The following CCDC150 variants were observed in gnomAD, a reference collection of about 807,000 sequenced individuals.
CCDC150 encodes the protein coiled-coil domain containing 150.
Under a neutral mutation model 156.5 loss-of-function variants are expected in CCDC150, and 151 were observed. The observed-to-expected ratio is 0.97, with a 90% CI of 0.85 to 1.10. The LOEUF is 1.10. Among genes scored for constraint, CCDC150 ranks in the 50% least tolerant of loss-of-function variants. The pLI is 0.00. For missense variants in CCDC150, 1,312 were observed against 1,268.1 expected, an observed-to-expected ratio of 1.03 and a Z score of -0.53; for synonymous variants, 452 against 429.4, an observed-to-expected ratio of 1.05 and a Z score of -0.65.
intron 8 of CCDC150, among the ~76,000 whole-genome samples, chr2:196,671,067 G>A (rs1036019085): frequency 6.6e-6 from 1 of 152,068 alleles, no homozygotes; most frequent in African/African-American, 2.4e-5. Context: ...TTATCACCCA[G>A]AGTCCATAGT....
chr2:196,694,117 C>T (rs1032286222), intron 13 of CCDC150, among the ~76,000 whole-genome samples: 3 of 141,658 alleles, frequency 2.1e-5, no homozygotes, highest in African/African-American at 5.3e-5. Flanking sequence ...AGTGCAATGG[C>T]GTGATCTCAG....
chr2:196,727,255 A>C (rs1458276813), intron 22 of CCDC150: 1 of 152,084 alleles, frequency 6.6e-6, no homozygotes, highest in African/African-American at 2.4e-5. Context: ...AAAATACAAA[A>C]ATTAGCTGGG....
At chr2:196,707,620 C>A (rs1696755979) in intron 15 of CCDC150, among the ~76,000 whole-genome samples, 1 of 152,178 alleles carries the variant, frequency 6.6e-6, no homozygotes. Context: ...GATTTTAGAT[C>A]TTTCCTGCTT....
In CCDC150 at chr2:196,644,110, C is replaced by G. The variant is rs936571783; in HGVS notation, c.13-2231C>G. On this transcript the variant is annotated intron_variant, in intron 1 of 27. Transcript: ENST00000389175. ...GTGCCATCATTACTCTTTTTTTAAT[C>G]TAGAAAAACAAAAGTCTGCCTAGGA... 8.5e-5 allele frequency among the ~76,000 whole-genome samples: 13 copies of G among 152,076 alleles called. No individual in the cohort carries two copies. In the South Asian group the frequency reaches 1.9e-3, roughly 22 times the overall value.
Position 196,726,000 on chromosome 2 carries a change from G to C in CCDC150, c.2457G>C (p.Val819=). 6.2e-7 allele frequency: 1 copy of C among 1,602,870 alleles called. No homozygotes were observed. The highest frequency in any genetic ancestry group is 8.5e-7 in the Non-Finnish European group (1 of 1,174,360). Residue 819 remains valine (V), a synonymous_variant, in exon 22 of 28, where the codon GTG becomes GTC. Transcript: ENST00000389175. The part of the protein sequence containing the change: ...FKDRMTEESK[V]EAELHAERIE... Reference sequence around the variant, plus strand: ...ACCGGATGACTGAAGAGTCCAAAGTGGAAGCAGAATTGCATGCTGAACGCA... The same window carrying C: ...ACCGGATGACTGAAGAGTCCAAAGTCGAAGCAGAATTGCATGCTGAACGCA...
At chr2:196,710,588 A>C (rs537142956) in intron 15 of CCDC150, among the ~76,000 whole-genome samples, 1 of 152,270 alleles carries the variant, frequency 6.6e-6, no homozygotes, top group East Asian at 1.9e-4. Context: ...TGTGTCGGGC[A>C]CGCTGGGAGC....
At chr2:196,703,318 C>T (rs943705215) in intron 15 of CCDC150, among the ~76,000 whole-genome samples, 3 of 152,056 alleles carry the variant, frequency 2.0e-5, no homozygotes, top group African/African-American at 4.8e-5. Flanking sequence ...GCCATGCTTG[C>T]GGAACAATAC....
intron 7 of CCDC150, among the ~76,000 whole-genome samples, chr2:196,669,621 T>C (rs1694073213): frequency 1.3e-5 from 2 of 152,210 alleles, no homozygotes. Flanking sequence ...CAGCTTAAAA[T>C]CCTTCAGAGA....
intron 2 of CCDC150, 51 bp from the exon 3 acceptor site, chr2:196,656,582 C>T: frequency 3.1e-6 from 4 of 1,276,584 alleles, no homozygotes; most frequent in Non-Finnish European, 4.4e-6. Context: ...TTGGGATTAC[C>T]ATAGTAGAAA....
chr2:196,685,904 G>A (rs757423635), intron 13 of CCDC150, among the ~76,000 whole-genome samples: 55 of 151,996 alleles, frequency 3.6e-4, no homozygotes, highest in Non-Finnish European at 5.9e-4. Flanking sequence ...GTGAGCCACC[G>A]CGCCCAGCCG....
intron 7 of CCDC150, 23 bp from the exon 8 acceptor site, chr2:196,669,810 T>C: frequency 1.3e-6 from 2 of 1,522,974 alleles, no homozygotes; most frequent in Non-Finnish European, 1.8e-6. Flanking sequence ...ATTATCATAG[T>C]TATGTGGAAT....
At chr2:196,715,968 G>T (rs1446996603) in intron 17 of CCDC150, among the ~76,000 whole-genome samples, 1 of 152,124 alleles carries the variant, frequency 6.6e-6, no homozygotes. Context: ...TCTGATTAAG[G>T]CCTTGTTTCC....
intron 20 of CCDC150, 45 bp from the exon 21 acceptor site, chr2:196,721,477 A>G (rs1206537755): frequency 6.8e-7 from 1 of 1,480,180 alleles, no homozygotes; most frequent in Non-Finnish European, 9.1e-7. Context: ...GACTTCTTGC[A>G]TCTGTCCATT....
chr2:196,639,990 C>A (rs1473743790), intron 1 of CCDC150, among the ~76,000 whole-genome samples: 1 of 152,198 alleles, frequency 6.6e-6, no homozygotes, highest in Non-Finnish European at 1.5e-5. Flanking sequence ...GGCCTGGCTC[C>A]AGCTGAGGGA....
intron 17 of CCDC150, chr2:196,713,394 C>A: frequency 6.5e-7 from 1 of 1,529,160 alleles, no homozygotes; most frequent in East Asian, 2.5e-5. Context: ...GAGAGGACTG[C>A]ATCTTCAAAA....
chr2:196,686,212 C>T (rs1695117728), intron 13 of CCDC150: 1 of 299,092 alleles, frequency 3.3e-6, no homozygotes, highest in African/African-American at 2.3e-5. Flanking sequence ...ACTGCAAATT[C>T]AAAACCCAGG....
At chr2:196,732,321 C>A in intron 27 of CCDC150, 125 bp from the exon 28 acceptor site, 2 of 1,143,718 alleles carry the variant, frequency 1.7e-6, no homozygotes, top group East Asian at 2.4e-5. Flanking sequence ...TTCCACCTGT[C>A]ACAAACTTTT....
chr2:196,717,164 C>T (rs1212055211), intron 17 of CCDC150, among the ~76,000 whole-genome samples: 1 of 152,058 alleles, frequency 6.6e-6, no homozygotes, highest in African/African-American at 2.4e-5. Context: ...GCTGGGATTA[C>T]AGGGGTGAGC....
intron 1 of CCDC150, among the ~76,000 whole-genome samples, chr2:196,646,091 T>C (rs1464048092): frequency 6.6e-6 from 1 of 152,216 alleles, no homozygotes; most frequent in Non-Finnish European, 1.5e-5. Context: ...ATTGTCACCG[T>C]GGGATCCTAG....
Sources: gnomAD v4.1 joint callset for allele counts (sites outside exome capture counted in the v4.1 genomes callset) on GRCh38, gnomAD v4.1.1 for gene constraint, MANE v1.5 for transcripts, NCBI Gene and HGNC (gene_info 2026-07-23, HGNC 2026-07-21) for gene names.